Variants in UTRN observed in about 807,000 individuals in gnomAD.
UTRN encodes the protein dystrophin-related protein 1.
In UTRN, 283 loss-of-function variants were observed where a neutral mutation model predicts 463.9. The ratio of observed to expected loss-of-function variants is 0.61; its 90% CI spans 0.55 to 0.67. The LOEUF is 0.67. Among genes scored for constraint, UTRN ranks in the 30% least tolerant of loss-of-function variants. UTRN has a pLI of 0.00. For synonymous variants in UTRN, 1,442 were observed against 1,431.5 expected, an observed-to-expected ratio of 1.01 and a Z score of -0.17; for missense variants, 3,922 against 4,084.3, an observed-to-expected ratio of 0.96 and a Z score of 1.08.
chr6:144,839,204 C>T lies in UTRN; in HGVS notation c.10097C>T (p.Ser3366Phe), dbSNP rs756524442. Reference sequence around the variant, plus strand: ...TCTGATTCCCGAATCAATGGTGTTTCCCCATGGGCTTCTCCTCAGCATTCT... The same window carrying T: ...TCTGATTCCCGAATCAATGGTGTTTTCCCATGGGCTTCTCCTCAGCATTCT... ...PESDSRINGV[S>F]PWASPQHSAL... The change falls in exon 72 of 75, where the codon TCC becomes TTC. Residue 3366 changes from serine to phenylalanine, a missense_variant. Ser to Phe is a radical substitution (Grantham distance 155). Around this residue, in one of 3 missense-constraint regions of UTRN, gnomAD observed 1,309 missense variants for 1,452.6 expected, o/e 0.90. Coordinates refer to ENST00000367545, the MANE Select transcript of UTRN (RefSeq NM_007124.3). The T allele has an allele frequency of 1.4e-4, 223 of 1,613,954 alleles. No homozygotes were observed. Among genetic ancestry groups the T allele is most frequent in the Non-Finnish European group, 1.9e-4 (222 of 1,179,968 alleles).
chr6:144,495,060 C>G (rs1793475880), intron 33 of UTRN, among the ~76,000 whole-genome samples: 1 of 152,272 alleles, frequency 6.6e-6, no homozygotes, highest in African/African-American at 2.4e-5. Context: ...ACGTCCCCAC[C>G]AGACCCAGGA....
At chr6:144,690,323 G>A (rs1030230930) in intron 52 of UTRN, among the ~76,000 whole-genome samples, 2 of 151,558 alleles carry the variant, frequency 1.3e-5, no homozygotes, top group African/African-American at 2.4e-5. Context: ...AATGAGGGGG[G>A]TGTAGCCAGC....
chr6:144,539,377 T>C lies in UTRN; in HGVS notation c.6453T>C (p.Ser2151=). 6.2e-7 allele frequency: 1 copy of C among 1,613,414 alleles called. No homozygotes were observed. Among genetic ancestry groups the C allele is most frequent in the South Asian group, 1.1e-5 (1 of 91,008 alleles). The change falls in exon 45 of 75, where the codon AGT becomes AGC. Residue 2151 remains serine, a synonymous_variant. Transcript: ENST00000367545. ...AATTGGAGATGCTTTCAGATAAAAG[T>C]CTGAGTTTACCTGAAAGGGATAAAA... ...RTELEMLSDK[S]LSLPERDKIS... is the part of the protein sequence containing the mutation.
chr6:144,505,860 G>A (rs1794648740), intron 34 of UTRN, among the ~76,000 whole-genome samples: 1 of 152,174 alleles, frequency 6.6e-6, no homozygotes, highest in Non-Finnish European at 1.5e-5. Context: ...GGGCGTTAAA[G>A]TATCCCCCTA....
Position 144,372,238 on chromosome 6 carries a change from G to A in UTRN, c.80-30885G>A, listed in dbSNP as rs577147741. On this transcript the variant is annotated intron_variant, in intron 2 of 74. Transcript: ENST00000367545. ...TCTAATGAGCTCAGCGCTTCTGACA[G>A]TATGTCCTATGGATGCCTGGGGGCA... is the stretch of plus-strand genomic sequence containing the variant. 7.0e-4 allele frequency among the ~76,000 whole-genome samples: 107 copies of A among 152,356 alleles called. 1 individual carries two copies. Among genetic ancestry groups the A allele is most frequent in the African/African-American group, 2.5e-3 (105 of 41,584 alleles).
intron 65 of UTRN, among the ~76,000 whole-genome samples, chr6:144,807,778 G>A (rs1429007539): frequency 1.3e-5 from 2 of 152,030 alleles, no homozygotes; most frequent in South Asian, 2.1e-4. Flanking sequence ...TCTAACTGTG[G>A]TGTTTTTGTC....
At chr6:144,662,997 G>A (rs1274968549) in intron 51 of UTRN, among the ~76,000 whole-genome samples, 1 of 152,196 alleles carries the variant, frequency 6.6e-6, no homozygotes, top group Non-Finnish European at 1.5e-5. Flanking sequence ...TGCTGGGATT[G>A]TAGTTTCCCA....
At chr6:144,538,458 A>G (rs77843661) in intron 44 of UTRN, among the ~76,000 whole-genome samples, 10 of 152,124 alleles carry the variant, frequency 6.6e-5, no homozygotes, top group African/African-American at 2.4e-4. Context: ...TCACAAGGTC[A>G]TGAGATCGAG....
intron 52 of UTRN, among the ~76,000 whole-genome samples, chr6:144,680,196 G>A (rs958018614): frequency 6.6e-6 from 1 of 152,190 alleles, no homozygotes; most frequent in Non-Finnish European, 1.5e-5. Flanking sequence ...GGGATTTTCA[G>A]AGGTTAGAGA....
At chr6:144,433,101 G>T (rs1347524348) in intron 9 of UTRN, among the ~76,000 whole-genome samples, 4 of 152,108 alleles carry the variant, frequency 2.6e-5, no homozygotes, top group African/African-American at 4.8e-5. Flanking sequence ...ACACAGACAC[G>T]GCAACCATCC....
chr6:144,563,366 T>G (rs1800100995), intron 50 of UTRN, among the ~76,000 whole-genome samples: 1 of 152,194 alleles, frequency 6.6e-6, no homozygotes, highest in South Asian at 2.1e-4. Flanking sequence ...TGAAGCTTTT[T>G]TCAGCATTTA....
chr6:144,668,668 G>A lies in UTRN; in HGVS notation c.7480-9738G>A, dbSNP rs550398642. 4.6e-5 allele frequency among the ~76,000 whole-genome samples: 7 copies of A among 152,196 alleles called. No homozygotes were observed. In the South Asian group the frequency reaches 1.2e-3, roughly 27 times the overall value. On this transcript the variant is annotated intron_variant, in intron 51 of 74. Transcript: ENST00000367545. ...AGGTGGGTCTTCACCTGATGGCAAG[G>A]GCAGGGCAGCTCTCTGGGGCTTCCT...
intron 65 of UTRN, among the ~76,000 whole-genome samples, chr6:144,808,659 C>T (rs973379944): frequency 3.9e-5 from 6 of 151,922 alleles, no homozygotes; most frequent in African/African-American, 1.4e-4. Context: ...TTTGACCAGT[C>T]TCTTCTCTTT....
chr6:144,634,999 T>C (rs1177299508), intron 51 of UTRN, among the ~76,000 whole-genome samples: 2 of 152,204 alleles, frequency 1.3e-5, no homozygotes, highest in African/African-American at 4.8e-5. Context: ...AGTTTTTGTG[T>C]GGTTTTATTC....
rs1777841766 is a variant in UTRN at position 144,803,066 on chromosome 6, T to C, written c.9276T>C (p.Asp3092=). 6 of 1,588,326 alleles carry C rather than the reference T, an allele frequency of 3.8e-6. No homozygotes were observed. Among genetic ancestry groups the C allele is most frequent in the Admixed American group, 1.8e-5 (1 of 55,286 alleles). ...GAAGCCTTAAGCATTTTAACTATGATGTCTGCCAGAGTTGTTTCTTTTCGG... is the reference window on the plus strand; with the variant it reads ...GAAGCCTTAAGCATTTTAACTATGACGTCTGCCAGAGTTGTTTCTTTTCGG... ...RYRSLKHFNY[D]VCQSCFFSGR... The change falls in exon 65 of 75, where the codon GAT becomes GAC. Residue 3092 remains aspartate, a synonymous_variant. Transcript: ENST00000367545.
chr6:144,579,855 A>G (rs184345860), intron 51 of UTRN, among the ~76,000 whole-genome samples: 47 of 152,296 alleles, frequency 3.1e-4, no homozygotes, highest in African/African-American at 1.1e-3. Context: ...AAATATGTAC[A>G]TTTATGTTTA....
At chr6:144,624,956 G>A (rs1447528707) in intron 51 of UTRN, among the ~76,000 whole-genome samples, 1 of 152,186 alleles carries the variant, frequency 6.6e-6, no homozygotes, top group African/African-American at 2.4e-5. Context: ...TCTGAGGGCA[G>A]AGTCAGAAGA....
chr6:144,517,392 ATC>A (rs1214850251), intron 39 of UTRN, among the ~76,000 whole-genome samples: 1 of 149,962 alleles, frequency 6.7e-6, no homozygotes, highest in African/African-American at 2.5e-5. Flanking sequence ...AAGATGGGGT[ATC>A]TCTATGTTGC....
intron 3 of UTRN, among the ~76,000 whole-genome samples, chr6:144,413,542 A>G (rs9399477): frequency 0.78 from 118,506 of 151,898 alleles, 46,427 homozygotes; most frequent in East Asian, 0.84. Flanking sequence ...GGAAAGACCC[A>G]CCCCCATGAT....
Sources: allele counts gnomAD v4.1 joint callset (sites outside exome capture counted in the v4.1 genomes callset), GRCh38; gene constraint gnomAD v4.1.1; regional missense constraint gnomAD v4.1.1; transcripts MANE v1.5; gene names NCBI Gene and HGNC (gene_info 2026-07-23, HGNC 2026-07-21).